The following PALLD variants were observed in gnomAD, a reference collection of about 807,000 sequenced individuals.
The protein encoded by PALLD is palladin, cytoskeletal associated protein.
In PALLD, 61 loss-of-function variants were observed where a neutral mutation model predicts 123.5. The observed-to-expected ratio is 0.49, with a 90% CI of 0.40 to 0.61. PALLD has a LOEUF of 0.61. Among genes scored for constraint, PALLD ranks in the 20% least tolerant of loss-of-function variants. The pLI is 0.00. For missense variants in PALLD, 1,273 were observed against 1,377.0 expected (o/e 0.92, Z 1.20); for synonymous variants, 465 against 496.4 (o/e 0.94, Z 0.84).
intron 10 of PALLD, among the ~76,000 whole-genome samples, chr4:168,719,125 C>G (rs1170210711): frequency 6.6e-6 from 1 of 151,880 alleles, no homozygotes; most frequent in Non-Finnish European, 1.5e-5. Flanking sequence ...TCAGGCTGGT[C>G]TCAAACTCCC....
chr4:168,764,188 G>A (rs988891423), intron 10 of PALLD, among the ~76,000 whole-genome samples: 2 of 152,068 alleles, frequency 1.3e-5, no homozygotes, highest in South Asian at 4.1e-4. Flanking sequence ...AATATTCAGA[G>A]ACGAATAAAA....
rs185587229 is a variant in PALLD at position 168,756,817 on chromosome 4, C to A, written c.1964+44894C>A. ...ACCACAGGAGAAATTGTGTTTAAGG[C>A]CATGAGACTATTTGCTGTCTCTTAA... On this transcript the variant is annotated intron_variant, in intron 10 of 21. Transcript: ENST00000505667. 4.9e-3 allele frequency among the ~76,000 whole-genome samples: 742 copies of A among 152,234 alleles called. 5 individuals carry two copies. Among genetic ancestry groups the A allele is most frequent in the Non-Finnish European group, 5.7e-3 (386 of 68,016 alleles).
chr4:168,889,138 T>TTGTGTGTGTGTGTGTGTGTGTGTG (rs143065658), intron 10 of PALLD, among the ~76,000 whole-genome samples: 3 of 132,252 alleles, frequency 2.3e-5, no homozygotes, highest in Admixed American at 1.6e-4. Flanking sequence ...TTGCTTTATT[T>TTGTGTGTGTGTGTGTGTGTGTGTG]TGTGTGTGTG....
chr4:168,584,597 A>T (rs987734997), intron 2 of PALLD, among the ~76,000 whole-genome samples: 1 of 152,196 alleles, frequency 6.6e-6, no homozygotes, highest in Non-Finnish European at 1.5e-5. Flanking sequence ...GCATCTAAGG[A>T]ATTGTTTTCT....
intron 2 of PALLD, among the ~76,000 whole-genome samples, chr4:168,557,058 T>C (rs1767393140): frequency 7.4e-6 from 1 of 134,830 alleles, no homozygotes. Context: ...TTTTGTTTTG[T>C]TTTGAGACAG....
intron 2 of PALLD, among the ~76,000 whole-genome samples, chr4:168,664,404 A>T (rs1408021528): frequency 1.3e-5 from 2 of 152,236 alleles, no homozygotes; most frequent in Non-Finnish European, 2.9e-5. Flanking sequence ...CTATTTAGTC[A>T]TCTGAAATGG....
At chr4:168,504,102 C>T (rs549064724) in intron 1 of PALLD, among the ~76,000 whole-genome samples, 10 of 152,254 alleles carry the variant, frequency 6.6e-5, no homozygotes, top group African/African-American at 1.4e-4. Context: ...AGAATAACTA[C>T]GCCTGCCTCA....
At chr4:168,548,413 C>A (rs562363947) in intron 2 of PALLD, among the ~76,000 whole-genome samples, 32 of 150,808 alleles carry the variant, frequency 2.1e-4, no homozygotes, top group African/African-American at 7.5e-4. Flanking sequence ...TATCTTTACA[C>A]TTCTTTGTTT....
chr4:168,686,600 C>G lies in PALLD; in HGVS notation c.1335+1041C>G, dbSNP rs923894798. Reference sequence around the variant, plus strand: ...CATAGTATTCCATAGTGTATATGAGCCACATTTAAAAATATGGAACGCTTC... The same window carrying G: ...CATAGTATTCCATAGTGTATATGAGGCACATTTAAAAATATGGAACGCTTC... On this transcript the variant is annotated intron_variant, in intron 6 of 21. Coordinates refer to ENST00000505667, the MANE Select transcript of PALLD (RefSeq NM_001166108.2). The G allele has an allele frequency of 5.2e-5, 8 of 152,446 alleles. No individual in the cohort carries two copies. In the South Asian group the frequency reaches 6.2e-4, roughly 12 times the overall value. The allele number at this position is 152,446 out of a possible 1,614,324, so 9.4% of individuals were successfully genotyped here. A position where few individuals can be genotyped will look rare whatever the true frequency, so the allele number is the denominator to read the frequency against.
chr4:168,912,388 C>CA (rs1759151277), intron 15 of PALLD, among the ~76,000 whole-genome samples: 1 of 152,166 alleles, frequency 6.6e-6, no homozygotes, highest in Non-Finnish European at 1.5e-5. Flanking sequence ...TTTAGAAGCA[C>CA]ATCTTCTCAT....
chr4:168,627,969 C>T (rs1775458569), intron 2 of PALLD, among the ~76,000 whole-genome samples: 1 of 152,218 alleles, frequency 6.6e-6, no homozygotes, highest in African/African-American at 2.4e-5. Context: ...AGTTTGATTG[C>T]ACATTTTGCT....
intron 6 of PALLD, 29 bp downstream of exon 6, chr4:168,685,588 TG>T: frequency 6.9e-7 from 1 of 1,453,726 alleles, no homozygotes; most frequent in South Asian, 1.1e-5. Context: ...TCATTCTCTG[TG>T]TTTGCTTTGG....
intron 10 of PALLD, among the ~76,000 whole-genome samples, chr4:168,849,653 A>G (rs1747444115): frequency 6.6e-6 from 1 of 152,162 alleles, no homozygotes. Context: ...GAAAATTTGA[A>G]TTCTTGGTAG....
At chr4:168,881,596 T>C (rs1034149669) in intron 10 of PALLD, among the ~76,000 whole-genome samples, 6 of 151,728 alleles carry the variant, frequency 4.0e-5, no homozygotes, top group African/African-American at 1.5e-4. Context: ...TGCTACATCT[T>C]CCCCAAATTT....
chr4:168,536,324 C>G (rs1765081021), intron 2 of PALLD, among the ~76,000 whole-genome samples: 1 of 152,174 alleles, frequency 6.6e-6, no homozygotes, highest in South Asian at 2.1e-4. Context: ...ACAAGGTTTT[C>G]CCTCTGTTTA....
At position 168,924,421 on chromosome 4, in the gene PALLD, G is replaced by GTAAGAC; in HGVS notation, c.3224+3_3224+8dup. 1.2e-6 allele frequency: 2 copies of GTAAGAC among 1,612,476 alleles called. No homozygotes were observed. Among genetic ancestry groups the GTAAGAC allele is most frequent in the Non-Finnish European group, 1.7e-6 (2 of 1,178,534 alleles). On this transcript the variant is annotated splice_donor_variant, in intron 19 of 21. Transcript: ENST00000505667. LOFTEE classifies it high-confidence loss of function. The stretch of plus-strand genomic sequence containing the variant: ...TCACTCACAGCACTGACCGAGTGAG[G>GTAAGAC]TAAGACTGCACAATGAGAACCTGAT...
chr4:168,704,916 CA>C (rs947468313), intron 8 of PALLD, among the ~76,000 whole-genome samples: 201 of 152,100 alleles, frequency 1.3e-3, no homozygotes, highest in African/African-American at 4.7e-3. Flanking sequence ...AATATTTGGT[CA>C]ATTTTTTAAA....
chr4:168,625,510 T>TATATATATATATATATATATAG (rs1775169660), intron 2 of PALLD, among the ~76,000 whole-genome samples: 2 of 65,102 alleles, frequency 3.1e-5, no homozygotes, highest in Non-Finnish European at 8.1e-5. Flanking sequence ...GAGATATATA[T>TATATATATATATATATATATAG]ATATATATCC....
chr4:168,543,295 G>A (rs1012004876), intron 2 of PALLD, among the ~76,000 whole-genome samples: 6 of 150,110 alleles, frequency 4.0e-5, no homozygotes, highest in Non-Finnish European at 1.5e-5. Context: ...ATGACACCTA[G>A]TTGATAGTAT....
Sources: allele counts gnomAD v4.1 joint callset (sites outside exome capture counted in the v4.1 genomes callset), GRCh38; gene constraint gnomAD v4.1.1; transcripts MANE v1.5; gene names NCBI Gene and HGNC (gene_info 2026-07-23, HGNC 2026-07-21).